The following TASP1 variants were observed in gnomAD, a reference collection of about 807,000 sequenced individuals.
TASP1 encodes the protein threonine aspartase 1.
In TASP1, 16 loss-of-function variants were observed where a neutral mutation model predicts 56.6. That is an observed-to-expected ratio of 0.28 (90% CI 0.19 to 0.43). TASP1 has a LOEUF of 0.43. Ranked by LOEUF, TASP1 falls within the 20% of genes least tolerant of loss-of-function variation. The pLI, the probability that TASP1 is intolerant of heterozygous loss-of-function variation, is 1.00. For synonymous variants in TASP1, 179 were observed against 184.2 expected (o/e 0.97, Z 0.23); for missense variants, 393 against 511.6 (o/e 0.77, Z 2.24).
intron 11 of TASP1, 39 bp downstream of exon 11, chr20:13,483,188 C>T (rs2146513324): frequency 1.4e-6 from 2 of 1,405,406 alleles, no homozygotes; most frequent in South Asian, 1.3e-5. Context: ...TGAAATAATC[C>T]ATATTTAGAA....
At chr20:13,538,025 A>G (rs1963182) in intron 8 of TASP1, among the ~76,000 whole-genome samples, 88,868 of 148,034 alleles carry the variant, frequency 0.6, 27,429 homozygotes, top group Non-Finnish European at 0.68. Flanking sequence ...TTTTTGAGAC[A>G]GAATTTCGCT....
At chr20:13,281,545 C>T in the TASP1 span, among the ~76,000 whole-genome samples, 1 of 152,224 alleles carries the variant, frequency 6.6e-6, no homozygotes, top group African/African-American at 2.4e-5. Flanking sequence ...GCCTGGAAAA[C>T]TTAAGCAATT....
At chr20:13,179,851 G>A in the TASP1 span, among the ~76,000 whole-genome samples, 14 of 152,260 alleles carry the variant, frequency 9.2e-5, no homozygotes, top group East Asian at 1.9e-4. Flanking sequence ...CCCAGCTTCC[G>A]TGAGGATAAT....
At chr20:13,474,843 T>C (rs1000126443) in intron 11 of TASP1, among the ~76,000 whole-genome samples, 2 of 152,204 alleles carry the variant, frequency 1.3e-5, no homozygotes, top group Admixed American at 6.6e-5. Flanking sequence ...AGGCATAGGG[T>C]GGTAACTCAC....
the TASP1 span, among the ~76,000 whole-genome samples, chr20:13,352,639 A>C: frequency 6.6e-6 from 1 of 152,186 alleles, no homozygotes; most frequent in Non-Finnish European, 1.5e-5. Flanking sequence ...TTTAGAAGCC[A>C]GTCTGTGGCC....
At chr20:13,521,113 G>C (rs2044734262) in intron 10 of TASP1, among the ~76,000 whole-genome samples, 1 of 152,154 alleles carries the variant, frequency 6.6e-6, no homozygotes, top group Admixed American at 6.5e-5. Context: ...TCATTAAAAA[G>C]TCAGGAAACA....
chr20:13,142,878 G>A, the TASP1 span, among the ~76,000 whole-genome samples: 125 of 152,160 alleles, frequency 8.2e-4, no homozygotes, highest in African/African-American at 2.3e-3. Flanking sequence ...AGCCAGCAAC[G>A]GAGAGTCTCC....
At chr20:13,157,717 G>T in the TASP1 span, among the ~76,000 whole-genome samples, 1 of 152,112 alleles carries the variant, frequency 6.6e-6, no homozygotes, top group African/African-American at 2.4e-5. Flanking sequence ...AGTTACAAAA[G>T]GTAATATTAT....
At chr20:13,377,804 G>T in the TASP1 span, among the ~76,000 whole-genome samples, 7 of 152,106 alleles carry the variant, frequency 4.6e-5, no homozygotes, top group African/African-American at 1.7e-4. Flanking sequence ...AGTCTTGGGA[G>T]GGTGTATATG....
At chr20:13,140,248 G>T in the TASP1 span, among the ~76,000 whole-genome samples, 2 of 152,136 alleles carry the variant, frequency 1.3e-5, no homozygotes, top group Non-Finnish European at 2.9e-5. Flanking sequence ...ATTAAAAATT[G>T]CAATTTAAAA....
chr20:13,364,010 C>CA, the TASP1 span, among the ~76,000 whole-genome samples: 1 of 151,242 alleles, frequency 6.6e-6, no homozygotes, highest in Non-Finnish European at 1.5e-5. Flanking sequence ...TAATAACTCA[C>CA]AAAAAAGGTT....
the TASP1 span, among the ~76,000 whole-genome samples, chr20:13,367,944 G>T: frequency 2.0e-5 from 3 of 152,108 alleles, no homozygotes; most frequent in Non-Finnish European, 4.4e-5. Flanking sequence ...TCTATTTTAT[G>T]GGGTCCTGCA....
intron 11 of TASP1, among the ~76,000 whole-genome samples, chr20:13,462,490 A>C (rs943534569): frequency 6.6e-6 from 1 of 152,084 alleles, no homozygotes; most frequent in African/African-American, 2.4e-5. Flanking sequence ...CTTTTTTCCT[A>C]AGCATGGTAA....
In TASP1 at chr20:13,483,246, A is replaced by T. The variant is rs753442464; in HGVS notation, c.966T>A (p.Thr322=). Reference sequence around the variant, plus strand: ...ACTTACTGATAAACTTGTTTTGCATAGTCTCCAACAGGGCTTGGTGAGCAT... The same window carrying T: ...ACTTACTGATAAACTTGTTTTGCATTGTCTCCAACAGGGCTTGGTGAGCAT... ...AEDAHQALLE[T]MQNKFISSPF... The change falls in exon 11 of 14, where the codon ACT becomes ACA. Residue 322 remains threonine, a synonymous_variant. Coordinates refer to ENST00000337743, the MANE Select transcript of TASP1 (RefSeq NM_017714.3). 1.3e-6 allele frequency: 2 copies of T among 1,587,350 alleles called. No individual in the cohort carries two copies. The highest frequency in any genetic ancestry group is 1.7e-6 in the Non-Finnish European group (2 of 1,166,690).
At chr20:13,311,632 T>C in the TASP1 span, among the ~76,000 whole-genome samples, 3 of 152,214 alleles carry the variant, frequency 2.0e-5, no homozygotes, top group African/African-American at 7.2e-5. Context: ...CTTTCATTTA[T>C]GAGAACATGG....
At chr20:13,308,332 G>A in the TASP1 span, among the ~76,000 whole-genome samples, 10 of 152,088 alleles carry the variant, frequency 6.6e-5, no homozygotes, top group Non-Finnish European at 1.2e-4. Context: ...ATTAATTATG[G>A]CAGTAATAAC....
At chr20:13,343,568 A>G in the TASP1 span, among the ~76,000 whole-genome samples, 1 of 98,490 alleles carries the variant, frequency 1.0e-5, no homozygotes, top group Non-Finnish European at 2.2e-5. Context: ...GGGCCGCCCC[A>G]CCCCCGCCCC....
intron 5 of TASP1, among the ~76,000 whole-genome samples, chr20:13,581,258 A>G (rs1345219408): frequency 6.6e-6 from 1 of 152,200 alleles, no homozygotes; most frequent in Non-Finnish European, 1.5e-5. Flanking sequence ...GAAATACTAC[A>G]TATTTAAATT....
At chr20:13,145,532 G>A in the TASP1 span, among the ~76,000 whole-genome samples, 1 of 151,926 alleles carries the variant, frequency 6.6e-6, no homozygotes, top group Non-Finnish European at 1.5e-5. Context: ...TGGATAGGAA[G>A]AATCAACATC....
Sources: gnomAD v4.1 joint callset for allele counts (sites outside exome capture counted in the v4.1 genomes callset) on GRCh38, gnomAD v4.1.1 for gene constraint, MANE v1.5 for transcripts, NCBI Gene and HGNC (gene_info 2026-07-23, HGNC 2026-07-21) for gene names.